The following LIN7A variants were observed in gnomAD, a reference collection of about 807,000 sequenced individuals.
LIN7A encodes lin-7 cell polarity scaffold A, also known as protein lin-7 homolog A.
LIN7A carries 25 observed loss-of-function variants against 29.8 expected under a neutral mutation model. The ratio of observed to expected loss-of-function variants is 0.84; its 90% confidence interval spans 0.61 to 1.17. The LOEUF is 1.17. Among genes scored for constraint, LIN7A ranks in the 50% most tolerant of loss-of-function variants. LIN7A has a pLI of 0.00. For missense variants in LIN7A, 239 were observed against 287.0 expected (o/e 0.83, Z 1.21); for synonymous variants, 118 against 107.5 (o/e 1.10, Z -0.60).
intron 2 of LIN7A, among the ~76,000 whole-genome samples, chr12:80,858,581 C>A (rs931977953): frequency 3.1e-4 from 47 of 151,084 alleles, no homozygotes; most frequent in African/African-American, 1.1e-3. Flanking sequence ...GTCCTTGTTA[C>A]ACAGTCAGAA....
At chr12:80,890,861 G>A (rs539753973) in intron 1 of LIN7A, among the ~76,000 whole-genome samples, 1 of 152,016 alleles carries the variant, frequency 6.6e-6, no homozygotes, top group Non-Finnish European at 1.5e-5. Context: ...TGCACTACTG[G>A]ACTCCAGCCT....
intron 5 of LIN7A, among the ~76,000 whole-genome samples, chr12:80,802,584 C>A (rs1412257420): frequency 6.6e-6 from 1 of 152,128 alleles, no homozygotes; most frequent in Non-Finnish European, 1.5e-5. Context: ...ACATTCCCAC[C>A]ACTGGTGCAC....
At chr12:80,814,364 T>C (rs1160085589) in intron 4 of LIN7A, among the ~76,000 whole-genome samples, 1 of 152,214 alleles carries the variant, frequency 6.6e-6, no homozygotes, top group Non-Finnish European at 1.5e-5. Context: ...GATTTGGTTG[T>C]CTACATACCC....
intron 4 of LIN7A, among the ~76,000 whole-genome samples, chr12:80,813,636 A>G (rs1384044112): frequency 3.9e-5 from 6 of 152,220 alleles, no homozygotes; most frequent in Non-Finnish European, 8.8e-5. Context: ...TGGAGAAACT[A>G]TGCTTCCTCT....
chr12:80,817,870 G>A (rs1388559522), intron 4 of LIN7A, among the ~76,000 whole-genome samples: 2 of 151,974 alleles, frequency 1.3e-5, no homozygotes, highest in Non-Finnish European at 2.9e-5. Flanking sequence ...AACTAATCCC[G>A]AAATGAAATA....
chr12:80,839,974 C>T (rs1872737656), intron 4 of LIN7A, among the ~76,000 whole-genome samples: 1 of 152,158 alleles, frequency 6.6e-6, no homozygotes, highest in Non-Finnish European at 1.5e-5. Context: ...CAATGGTGCT[C>T]TAAGACAATG....
At chr12:80,837,619 C>CATTTAAAATTTAAAATTTAAAAT (rs1423137606) in intron 4 of LIN7A, among the ~76,000 whole-genome samples, 1 of 152,032 alleles carries the variant, frequency 6.6e-6, no homozygotes, top group Non-Finnish European at 1.5e-5. Context: ...TTTTTGGCTT[C>CATTTAAAATTTAAAATTTAAAAT]CAGGGCTGTG....
At chr12:80,837,986 G>T (rs185480694) in intron 4 of LIN7A, among the ~76,000 whole-genome samples, 5 of 152,056 alleles carry the variant, frequency 3.3e-5, no homozygotes, top group Admixed American at 2.6e-4. Context: ...TTGAATGAAA[G>T]AAAAGCATTG....
chr12:80,824,597 T>C (rs1871968713), intron 4 of LIN7A, among the ~76,000 whole-genome samples: 1 of 152,132 alleles, frequency 6.6e-6, no homozygotes, highest in Non-Finnish European at 1.5e-5. Context: ...TTGATGAACA[T>C]AGATGCAGAA....
At chr12:80,841,772 C>A (rs1565897917) in intron 4 of LIN7A, 1 of 460,108 alleles carries the variant, frequency 2.2e-6, no homozygotes, top group Non-Finnish European at 2.9e-6. Flanking sequence ...TTGGCTGCAA[C>A]CCTTATAAAT....
chr12:80,803,788 G>T (rs1870835483), intron 5 of LIN7A, among the ~76,000 whole-genome samples: 1 of 152,170 alleles, frequency 6.6e-6, no homozygotes, highest in Non-Finnish European at 1.5e-5. Flanking sequence ...GAAAGCTAAT[G>T]CATCTTTGAG....
intron 3 of LIN7A, 178 bp downstream of exon 3, chr12:80,848,073 G>A (rs1481586859): frequency 7.3e-6 from 5 of 687,638 alleles, no homozygotes; most frequent in African/African-American, 5.3e-5. Flanking sequence ...CAGCAGAAAC[G>A]TTCAATTTTC....
chr12:80,793,374 T>C lies in LIN7A; in HGVS notation c.*4353A>G, dbSNP rs1870296648. ...TTTATAGATAAACTAAGCAGCATTT[T>C]TGAGCAGTGGTTTTAGAAAAGCAAG... On this transcript the variant is annotated 3_prime_UTR_variant, in exon 6 of 6. Coordinates refer to ENST00000552864, the MANE Select transcript of LIN7A (RefSeq NM_004664.4). 1 of 152,210 alleles carries C rather than the reference T, an allele frequency of 6.6e-6. No individual in the cohort carries two copies. Among genetic ancestry groups the C allele is most frequent in the South Asian group, 2.1e-4 (1 of 4,832 alleles). 9.4% of individuals were successfully genotyped at this position (152,210 alleles called of 1,614,324 possible). A position where few individuals can be genotyped will look rare whatever the true frequency, so the allele number is the denominator to read the frequency against.
chr12:80,843,106 C>A (rs1173287667), intron 4 of LIN7A, among the ~76,000 whole-genome samples: 2 of 152,024 alleles, frequency 1.3e-5, no homozygotes, highest in Admixed American at 6.6e-5. Flanking sequence ...AAATTAGTAG[C>A]CCATTAACTA....
chr12:80,812,486 A>C (rs1871338296), intron 4 of LIN7A, among the ~76,000 whole-genome samples: 9 of 147,700 alleles, frequency 6.1e-5, no homozygotes. Context: ...GGCAAACCAG[A>C]AAAACAGTTT....
chr12:80,884,110 CA>C (rs1875206283), intron 2 of LIN7A, among the ~76,000 whole-genome samples: 1 of 152,092 alleles, frequency 6.6e-6, no homozygotes, highest in Admixed American at 6.5e-5. Flanking sequence ...CTAAGTTTCT[CA>C]AAATTTTAAA....
At chr12:80,813,927 T>G (rs1474852903) in intron 4 of LIN7A, among the ~76,000 whole-genome samples, 1 of 151,690 alleles carries the variant, frequency 6.6e-6, no homozygotes, top group Non-Finnish European at 1.5e-5. Context: ...GGTTAAAGAG[T>G]GTCAGACGAC....
At chr12:80,910,119 A>T (rs149153592) in intron 1 of LIN7A, among the ~76,000 whole-genome samples, 184 of 152,164 alleles carry the variant, frequency 1.2e-3, no homozygotes, top group Non-Finnish European at 4.7e-4. Flanking sequence ...GTTAAATCTG[A>T]CTCAGTACTT....
chr12:80,933,793 G>C (rs982960051), intron 1 of LIN7A, among the ~76,000 whole-genome samples: 92 of 151,784 alleles, frequency 6.1e-4, no homozygotes, highest in African/African-American at 2.1e-3. Flanking sequence ...GACTCAGGAG[G>C]GTGTTCCTTT....
Sources: gnomAD v4.1 joint callset for allele counts (sites outside exome capture counted in the v4.1 genomes callset) on GRCh38, gnomAD v4.1.1 for gene constraint, MANE v1.5 for transcripts, NCBI Gene and HGNC (gene_info 2026-07-23, HGNC 2026-07-21) for gene names.